SNX25: variants seen among roughly 807,000 people sequenced by gnomAD.
The protein encoded by SNX25 is sorting nexin-25.
Under a neutral mutation model 113.7 loss-of-function variants are expected in SNX25, and 62 were observed. The ratio of observed to expected loss-of-function variants is 0.55; its 90% CI spans 0.44 to 0.67. SNX25 has a LOEUF of 0.67. SNX25 is among the 30% of genes least tolerant of loss of function. The probability of loss-of-function intolerance (pLI) is 0.00; values close to 1 mark genes in which losing one functional copy is unlikely to be tolerated. For missense variants in SNX25, 1,014 were observed against 1,161.0 expected (o/e 0.87, Z 1.84); for synonymous variants, 421 against 436.2 (o/e 0.97, Z 0.43).
chr4:185,362,105 G>C lies in SNX25; in HGVS notation c.2833G>C (p.Asp945His). 1 of 1,608,736 alleles carries C rather than the reference G, an allele frequency of 6.2e-7. No individual in the cohort carries two copies. Among genetic ancestry groups the C allele is most frequent in the East Asian group, 2.2e-5 (1 of 44,696 alleles). ...GCAAAAGCTGCTTGAAAACATTCCA[G>C]GTGAGGCCTGGGCTATTAGCCTGAA... The part of the protein sequence containing the change: ...AQQKLLENIP[D>H]MLQSLVGQQN... The change falls in exon 17 of 19, where the codon GAT (aspartate) becomes CAT (histidine). Residue 945 changes from aspartate to histidine, a missense_variant and splice_region_variant. By Grantham distance (81) the Asp-to-His change is moderately conservative (BLOSUM62 -1). Transcript: ENST00000652585.
chr4:185,267,558 G>T (rs1579547342), intron 5 of SNX25, among the ~76,000 whole-genome samples: 1 of 151,666 alleles, frequency 6.6e-6, no homozygotes, highest in South Asian at 2.1e-4. Context: ...TGGTGAAACC[G>T]CATCTCTACT....
intron 6 of SNX25, among the ~76,000 whole-genome samples, chr4:185,299,088 G>C (rs2126637604): frequency 6.6e-6 from 1 of 152,350 alleles, no homozygotes; most frequent in Non-Finnish European, 1.5e-5. Flanking sequence ...GATGTGTGGG[G>C]TGGTCAGCCC....
In SNX25 at chr4:185,235,776, G is replaced by A. The variant is rs148977349; in HGVS notation, c.430-11518G>A. The stretch of plus-strand genomic sequence containing the variant: ...TTAGCTGGGATTGGTGTACACACCC[G>A]TAGTCACAGCTGTTTGGGAGGCTGA... On this transcript the variant is annotated intron_variant, in intron 1 of 18. Transcript: ENST00000652585. 5.9e-5 allele frequency among the ~76,000 whole-genome samples: 9 copies of A among 152,260 alleles called. No homozygotes were observed. The South Asian group carries it at 8.3e-4, about 14-fold the overall frequency.
chr4:185,273,577 A>G (rs542053497), intron 5 of SNX25, among the ~76,000 whole-genome samples: 1 of 152,338 alleles, frequency 6.6e-6, no homozygotes, highest in African/African-American at 2.4e-5. Flanking sequence ...TTTCGAGTGT[A>G]TCATACCCAG....
intron 17 of SNX25, 36 bp downstream of exon 17, chr4:185,362,141 A>T: frequency 6.4e-7 from 1 of 1,566,046 alleles, no homozygotes; most frequent in African/African-American, 1.4e-5. Flanking sequence ...AAGCATAGAG[A>T]TCTGAGGGAA....
chr4:185,246,363 A>G (rs1046570399), intron 1 of SNX25, among the ~76,000 whole-genome samples: 1 of 152,192 alleles, frequency 6.6e-6, no homozygotes, highest in Non-Finnish European at 1.5e-5. Context: ...TATTTCCCCC[A>G]ACAATATATG....
chr4:185,317,092 T>C (rs1422449865), intron 7 of SNX25, among the ~76,000 whole-genome samples: 1 of 152,102 alleles, frequency 6.6e-6, no homozygotes, highest in African/African-American at 2.4e-5. Context: ...AGGTCTAATA[T>C]CCAGAATCTA....
At chr4:185,335,323 C>T (rs1435145645) in intron 10 of SNX25, among the ~76,000 whole-genome samples, 1 of 133,184 alleles carries the variant, frequency 7.5e-6, no homozygotes, top group Non-Finnish European at 1.5e-5. Context: ...GTCTCACACA[C>T]ACACACACAC....
At chr4:185,225,343 C>G (rs1740829695) in intron 1 of SNX25, among the ~76,000 whole-genome samples, 2 of 152,144 alleles carry the variant, frequency 1.3e-5, no homozygotes, top group African/African-American at 4.8e-5. Context: ...CCAGTATGGT[C>G]TCGATCTCCT....
chr4:185,217,560 G>T (rs1274885034), intron 1 of SNX25, among the ~76,000 whole-genome samples: 4 of 152,064 alleles, frequency 2.6e-5, no homozygotes, highest in Non-Finnish European at 5.9e-5. Flanking sequence ...CATTCCCAGG[G>T]GATTTATTTC....
chr4:185,372,897 A>G (rs541218696), downstream of SNX25: 36 of 1,611,816 alleles, frequency 2.2e-5, no homozygotes, highest in South Asian at 3.7e-4. Context: ...ATTTCATCTT[A>G]TAGTAATACT....
downstream of SNX25, among the ~76,000 whole-genome samples, chr4:185,367,917 C>T (rs1449085711): frequency 6.6e-6 from 1 of 152,176 alleles, no homozygotes; most frequent in Non-Finnish European, 1.5e-5. Context: ...CGGTAGCTCA[C>T]ACCTGTAATC....
At chr4:185,307,294 G>C (rs1402810363) in intron 6 of SNX25, among the ~76,000 whole-genome samples, 1 of 152,224 alleles carries the variant, frequency 6.6e-6, no homozygotes, top group East Asian at 1.9e-4. Flanking sequence ...TGGGAACCAA[G>C]AGACAAAACA....
downstream of SNX25, chr4:185,367,226 G>A (rs778371816): frequency 3.0e-5 from 48 of 1,612,176 alleles, no homozygotes; most frequent in Non-Finnish European, 4.0e-5. Context: ...ATCTGCCAAT[G>A]CGGGATTCAG....
chr4:185,329,265 C>T (rs188234362), intron 9 of SNX25, among the ~76,000 whole-genome samples: 7 of 152,216 alleles, frequency 4.6e-5, no homozygotes, highest in East Asian at 1.9e-4. Context: ...AAAAACCAAA[C>T]GCTTTGGCTT....
At chr4:185,235,147 C>A (rs533543731) in intron 1 of SNX25, among the ~76,000 whole-genome samples, 100 of 152,350 alleles carry the variant, frequency 6.6e-4, no homozygotes, top group Non-Finnish European at 1.1e-3. Flanking sequence ...GCAACAGAAC[C>A]AGAATCATAC....
chr4:185,211,489 G>A (rs979034332), intron 1 of SNX25, among the ~76,000 whole-genome samples: 1 of 152,202 alleles, frequency 6.6e-6, no homozygotes. Flanking sequence ...ACCATGGCAA[G>A]TAAGGACCCT....
chr4:185,309,626 C>A (rs1264893451), intron 6 of SNX25, among the ~76,000 whole-genome samples: 1 of 152,162 alleles, frequency 6.6e-6, no homozygotes, highest in Admixed American at 6.5e-5. Context: ...ACCCTCTACC[C>A]TGCCCAGCCA....
upstream of SNX25, among the ~76,000 whole-genome samples, chr4:185,206,428 T>G (rs1361252262): frequency 1.3e-5 from 2 of 151,968 alleles, no homozygotes; most frequent in Non-Finnish European, 2.9e-5. Context: ...CCCAGCACTT[T>G]GGGAGGCCAA....
Sources: gnomAD v4.1 joint callset for allele counts (sites outside exome capture counted in the v4.1 genomes callset) on GRCh38, gnomAD v4.1.1 for gene constraint, MANE v1.5 for transcripts, NCBI Gene and HGNC (gene_info 2026-07-23, HGNC 2026-07-21) for gene names.